FAM228B: variants seen among roughly 807,000 people sequenced by gnomAD.
FAM228B encodes family with sequence similarity 228 member B, also known as protein FAM228B.
In FAM228B, 38 loss-of-function variants were observed where a neutral mutation model predicts 42.6. That is an observed-to-expected ratio of 0.89 (90% CI 0.69 to 1.17). The LOEUF is 1.17. Among genes scored for constraint, FAM228B ranks in the 50% most tolerant of loss-of-function variants. The pLI, the probability that FAM228B is intolerant of heterozygous loss-of-function variation, is 0.00. For synonymous variants in FAM228B, 109 were observed against 122.3 expected, an observed-to-expected ratio of 0.89 and a Z score of 0.72; for missense variants, 344 against 367.3, an observed-to-expected ratio of 0.94 and a Z score of 0.52.
chr2:24,121,410 T>A (rs1666114466), upstream of FAM228B: 1 of 1,034,806 alleles, frequency 9.7e-7, no homozygotes. Context: ...ATGGTTTTCA[T>A]GTTTTTAAAT....
chr2:24,124,843 C>T (rs1423252500), intron 2 of FAM228B, among the ~76,000 whole-genome samples: 4 of 152,104 alleles, frequency 2.6e-5, no homozygotes, highest in African/African-American at 4.8e-5. Flanking sequence ...TATAGGCGCA[C>T]GCCACCATGT....
chr2:24,164,264 C>G lies in FAM228B; in HGVS notation c.861C>G (p.Ala287=). The G allele has an allele frequency of 1.3e-6, 2 of 1,551,386 alleles. No homozygotes were observed. Among genetic ancestry groups the G allele is most frequent in the South Asian group, 1.2e-5 (1 of 84,028 alleles). Residue 287 remains alanine, a synonymous_variant, in exon 9 of 11, where the codon GCC becomes GCG. Coordinates refer to ENST00000615575, the MANE Select transcript of FAM228B (RefSeq NM_001145710.2). ...ATCAGGAGGGAAATAATCCAAGTGCCAAAGAGGCCATCTCTGAAGGGTATT... is the reference window on the plus strand; with the variant it reads ...ATCAGGAGGGAAATAATCCAAGTGCGAAAGAGGCCATCTCTGAAGGGTATT... ...LCYQEGNNPS[A]KEAISEGYFS...
At chr2:24,149,557 T>G (rs1408575434) in intron 7 of FAM228B, among the ~76,000 whole-genome samples, 1 of 152,080 alleles carries the variant, frequency 6.6e-6, no homozygotes, top group Non-Finnish European at 1.5e-5. Flanking sequence ...CTCAGCCTCC[T>G]GAGTAGCTGT....
chr2:24,155,028 T>A (rs1196107362), intron 7 of FAM228B, among the ~76,000 whole-genome samples: 2 of 152,182 alleles, frequency 1.3e-5, no homozygotes, highest in Non-Finnish European at 2.9e-5. Flanking sequence ...AGCATCATAA[T>A]CCTAGCTCTA....
chr2:24,083,258 T>C, intron 2 of FAM228B: 1 of 1,435,368 alleles, frequency 7.0e-7, no homozygotes, highest in Non-Finnish European at 9.4e-7. Context: ...CAAAAATAAA[T>C]TTCAGAATGA....
chr2:24,107,854 A>G (rs1665725697), intron 3 of FAM228B, among the ~76,000 whole-genome samples: 1 of 152,212 alleles, frequency 6.6e-6, no homozygotes, highest in Non-Finnish European at 1.5e-5. Context: ...CTAATATTAC[A>G]ACTAGAAGAC....
upstream of FAM228B, chr2:24,121,440 A>G (rs1666116023): frequency 1.4e-6 from 1 of 736,498 alleles, no homozygotes; most frequent in Non-Finnish European, 2.2e-6. Context: ...AAAAAAATCA[A>G]AAGAATAACA....
At chr2:24,097,768 C>G (rs576527071) in intron 3 of FAM228B, among the ~76,000 whole-genome samples, 3 of 152,158 alleles carry the variant, frequency 2.0e-5, no homozygotes, top group Non-Finnish European at 4.4e-5. Context: ...GAACTCAGCC[C>G]TGCAACAAGC....
Position 24,084,259 on chromosome 2 carries a change from G to C in FAM228B, c.-210+3304G>C, listed in dbSNP as rs772715817. On this transcript the variant is annotated intron_variant, in intron 2 of 10. Transcript: ENST00000613899. This position sits in a 1 kb window ranked among gnomAD's most constrained non-coding sequence, Gnocchi z 8.4. ...GAGGACTTCACCCTCCCCCGGGCTC[G>C]GCTTGGCCACCTCCTTCACGTAGAG... 5.0e-6 allele frequency: 8 copies of C among 1,613,898 alleles called. No individual in the cohort carries two copies. In the Admixed American group the frequency reaches 6.7e-5, roughly 13 times the overall value.
intron 2 of FAM228B, among the ~76,000 whole-genome samples, chr2:24,130,178 G>A (rs919858443): frequency 1.3e-5 from 2 of 152,170 alleles, no homozygotes; most frequent in East Asian, 1.9e-4. Flanking sequence ...ATTCCATGGT[G>A]TATATGTACA....
Position 24,160,121 on chromosome 2 carries a change from A to T in FAM228B, c.687-1385A>T, listed in dbSNP as rs148557960. On this transcript the variant is annotated intron_variant, in intron 7 of 10. Transcript: ENST00000615575. ...CCCCACTCCTTGGCTCCCCAAGTAG[A>T]TGGGACTACAGGCATGCACCACTAC... is the stretch of plus-strand genomic sequence containing the variant. Among the ~76,000 whole-genome samples the T allele has an allele frequency of 9.8e-4, 148 of 151,516 alleles. 1 individual carries two copies. The highest frequency in any genetic ancestry group is 6.8e-3 in the Middle Eastern group (2 of 294).
intron 5 of FAM228B, among the ~76,000 whole-genome samples, chr2:24,141,996 C>T (rs776996971): frequency 3.9e-5 from 6 of 152,116 alleles, no homozygotes; most frequent in Non-Finnish European, 5.9e-5. Context: ...ATTGGTAATC[C>T]ATGTCTTCAG....
intron 2 of FAM228B, among the ~76,000 whole-genome samples, chr2:24,133,897 G>T (rs1666515696): frequency 6.6e-6 from 1 of 152,054 alleles, no homozygotes; most frequent in South Asian, 2.1e-4. Flanking sequence ...AAGTGACAGA[G>T]CAAGACTGTC....
At position 24,084,729 on chromosome 2, in the gene FAM228B, AC is replaced by A. The variant is rs1342858516; in HGVS notation, c.-210+3775del. The A allele has an allele frequency of 6.2e-6, 1 of 161,032 alleles. No homozygotes were observed. The highest frequency in any genetic ancestry group is 1.3e-5 in the Non-Finnish European group (1 of 74,618). 10.0% of individuals were successfully genotyped at this position (161,032 alleles called of 1,614,324 possible). ...TCCCCGGCGCCCGTATGAGTTACTT[AC>A]TCCTGGCCCGGCTCCCCTCCCATGC... is the stretch of plus-strand genomic sequence containing the variant. On this transcript the variant is annotated intron_variant, in intron 2 of 10. Coordinates refer to the FAM228B transcript ENST00000613899. This position sits in a 1 kb window ranked among gnomAD's most constrained non-coding sequence, Gnocchi z 8.4.
chr2:24,154,528 T>C (rs1667090183), intron 7 of FAM228B, among the ~76,000 whole-genome samples: 1 of 152,250 alleles, frequency 6.6e-6, no homozygotes. Context: ...ATCTTTTCAT[T>C]CTCTTAACAG....
intron 5 of FAM228B, among the ~76,000 whole-genome samples, 189 bp from the exon 6 acceptor site, chr2:24,146,559 A>G (rs1362362140): frequency 6.6e-6 from 1 of 152,194 alleles, no homozygotes; most frequent in Non-Finnish European, 1.5e-5. Flanking sequence ...CCTTTAAGAG[A>G]GGTATTGATA....
intron 3 of FAM228B, among the ~76,000 whole-genome samples, chr2:24,113,841 C>T (rs1049779537): frequency 2.0e-5 from 3 of 152,142 alleles, no homozygotes; most frequent in Admixed American, 2.0e-4. Flanking sequence ...TGCACCATTG[C>T]ACGCCAGCCT....
chr2:24,160,480 A>C (rs1157923013), intron 7 of FAM228B, among the ~76,000 whole-genome samples: 1 of 152,088 alleles, frequency 6.6e-6, no homozygotes, highest in Non-Finnish European at 1.5e-5. Context: ...TTATTATCTT[A>C]ATATCTTTTA....
At position 24,084,436 on chromosome 2, in the gene FAM228B, C is replaced by T. The variant is rs973572318; in HGVS notation, c.-210+3481C>T. ...CAGGGCAGGGGCCGCTGTATCCTCG[C>T]GGAGCAGCCCAGCCTCAGGCTGGCA... On this transcript the variant is annotated intron_variant, in intron 2 of 10. Coordinates refer to the FAM228B transcript ENST00000613899. The surrounding 1 kb of genome is among the most constrained non-coding windows in gnomAD (Gnocchi z 8.4). 6.7e-6 allele frequency: 9 copies of T among 1,343,456 alleles called. No homozygotes were observed. The highest frequency in any genetic ancestry group is 2.8e-5 in the Admixed American group (1 of 35,174). 83.2% of individuals were successfully genotyped at this position (1,343,456 alleles called of 1,614,324 possible). A position where few individuals can be genotyped will look rare whatever the true frequency, so the allele number is the denominator to read the frequency against.
Sources: gnomAD v4.1 joint callset for allele counts (sites outside exome capture counted in the v4.1 genomes callset) on GRCh38, gnomAD v4.1.1 for gene constraint, Gnocchi (gnomAD v3.1) non-coding constraint, MANE v1.5 for transcripts, NCBI Gene and HGNC (gene_info 2026-07-23, HGNC 2026-07-21) for gene names.